KCTD18: variants seen among roughly 807,000 people sequenced by gnomAD.
KCTD18 encodes the protein BTB/POZ domain-containing protein KCTD18.
In KCTD18, 22 loss-of-function variants were observed where a neutral mutation model predicts 30.4. That is an observed-to-expected ratio of 0.72 (90% CI 0.52 to 1.03). The LOEUF (loss-of-function observed/expected upper bound fraction) is 1.03. KCTD18 is among the 50% of genes least tolerant of loss of function. The pLI, the probability that KCTD18 is intolerant of heterozygous loss-of-function variation, is 0.00. For missense variants in KCTD18, 529 were observed against 547.6 expected (o/e 0.97, Z 0.34); for synonymous variants, 186 against 209.0 (o/e 0.89, Z 0.95).
chr2:200,499,162 G>A lies in KCTD18; in HGVS notation c.373-78C>T, dbSNP rs551564203. Reference sequence around the variant, plus strand: ...AATGAATATGCTCCATTACTTTCATGTAAAAGCTGAAATTCTAGTTGATCA... The same window carrying A: ...AATGAATATGCTCCATTACTTTCATATAAAAGCTGAAATTCTAGTTGATCA... On this transcript the variant is annotated intron_variant, in intron 3 of 6. Coordinates refer to ENST00000359878, the MANE Select transcript of KCTD18 (RefSeq NM_152387.4). The A allele has an allele frequency of 1.9e-3, 1,910 of 996,066 alleles. 3 individuals are homozygous for A. The highest frequency in any genetic ancestry group is 2.5e-3 in the Non-Finnish European group (1,729 of 689,878). 61.7% of individuals were successfully genotyped at this position (996,066 alleles called of 1,614,324 possible).
intron 6 of KCTD18, among the ~76,000 whole-genome samples, chr2:200,491,063 C>T (rs182365503): frequency 6.6e-6 from 1 of 152,138 alleles, no homozygotes; most frequent in African/African-American, 2.4e-5. Flanking sequence ...GCATGTCCCC[C>T]CCGAAGCTCA....
Position 200,504,901 on chromosome 2 carries a change from A to G in KCTD18, c.219T>C (p.His73=). 1.2e-6 allele frequency: 2 copies of G among 1,614,196 alleles called. No homozygotes were observed. The highest frequency in any genetic ancestry group is 1.7e-6 in the Non-Finnish European group (2 of 1,180,032). Residue 73 remains histidine (H), a synonymous_variant, in exon 3 of 7, where the codon CAT becomes CAC. Coordinates refer to ENST00000359878, the MANE Select transcript of KCTD18 (RefSeq NM_152387.4). ...CATCTGTGGGAATCTGAACTTCTCC[A>G]TGAAGGTAATCCAAAAGGTATTTAA... ...RLFKYLLDYL[H]GEVQIPTDEQ...
rs1332418724 is a variant in KCTD18 at position 200,507,105 on chromosome 2, G to A, written c.-75-14C>T. The A allele has an allele frequency of 1.0e-5, 10 of 965,576 alleles. 1 individual carries two copies. Among genetic ancestry groups the A allele is most frequent in the South Asian group, 3.7e-5 (2 of 53,900 alleles). The allele number at this position is 965,576 out of a possible 1,614,324, so 59.8% of individuals were successfully genotyped here. ...CTTGGTCTCCCTCTGTAAAACAAAG[G>A]ACAGTCATCCCCGCCATTTCCAACA... On this transcript the variant is annotated splice_polypyrimidine_tract_variant and intron_variant, in intron 1 of 6. Coordinates refer to ENST00000359878, the MANE Select transcript of KCTD18 (RefSeq NM_152387.4).
chr2:200,499,051 C>A lies in KCTD18; in HGVS notation c.406G>T (p.Val136Phe). ...LTDFCDSYGL[V>F]CNKPTVWVLH... ...ACCCAAACTGTTGGTTTATTGCAGA[C>A]TAAGCCATATGAATCACAGAAGTCT... The change falls in exon 4 of 7, where the codon GTC becomes TTC. Residue 136 changes from valine (V) to phenylalanine (F), a missense_variant. Transcript: ENST00000359878. 6.2e-7 allele frequency: 1 copy of A among 1,613,576 alleles called. No homozygotes were observed. Among genetic ancestry groups the A allele is most frequent in the Non-Finnish European group, 8.5e-7 (1 of 1,179,826 alleles).
At chr2:200,509,579 T>C (rs904951009) in intron 1 of KCTD18, 49 bp downstream of exon 1, 3 of 152,348 alleles carry the variant, frequency 2.0e-5, no homozygotes, top group Non-Finnish European at 2.9e-5. Flanking sequence ...ATGTGGAAAG[T>C]GTCCAGCCCT....
chr2:200,491,138 G>C (rs191932756), intron 6 of KCTD18, among the ~76,000 whole-genome samples: 19 of 152,280 alleles, frequency 1.2e-4, no homozygotes, highest in Admixed American at 1.1e-3. Flanking sequence ...CATGGGGGAG[G>C]ATCCCTCATG....
chr2:200,498,255 G>A (rs1466171110), intron 4 of KCTD18, among the ~76,000 whole-genome samples: 2 of 152,152 alleles, frequency 1.3e-5, no homozygotes, highest in Non-Finnish European at 2.9e-5. Context: ...AGAAACTGAT[G>A]ACATATTTAA....
intron 5 of KCTD18, among the ~76,000 whole-genome samples, chr2:200,495,030 ATTTG>A (rs1413212483): frequency 1.0e-5 from 1 of 98,360 alleles, no homozygotes; most frequent in Admixed American, 1.3e-4. Flanking sequence ...ATACACCACA[ATTTG>A]TTTAAAAACT....
chr2:200,492,000 G>C (rs539703463), intron 6 of KCTD18, among the ~76,000 whole-genome samples: 4 of 152,162 alleles, frequency 2.6e-5, no homozygotes, highest in Non-Finnish European at 5.9e-5. Flanking sequence ...GACCTTACAA[G>C]TGCTTCTCAG....
rs950772987 is a variant in KCTD18 at position 200,509,975 on chromosome 2, G to C, written c.-423C>G. ...TCCCGCGCCCGGCTCTTCCGCACCG[G>C]GGGGGTGGGGCGGGTCGGCAGCTTC... On this transcript the variant is annotated 5_prime_UTR_variant, in exon 1 of 7. Coordinates refer to ENST00000359878, the MANE Select transcript of KCTD18 (RefSeq NM_152387.4). 1.3e-5 allele frequency: 2 copies of C among 151,978 alleles called. No homozygotes were observed. Among genetic ancestry groups the C allele is most frequent in the Admixed American group, 6.6e-5 (1 of 15,266 alleles). 9.4% of individuals were successfully genotyped at this position (151,978 alleles called of 1,614,324 possible).
At chr2:200,509,006 A>G (rs554239357) in intron 1 of KCTD18, among the ~76,000 whole-genome samples, 1 of 151,968 alleles carries the variant, frequency 6.6e-6, no homozygotes, top group Non-Finnish European at 1.5e-5. Flanking sequence ...TTTTTACCCC[A>G]CTTGTTTAAT....
chr2:200,507,628 A>C (rs527701814), intron 1 of KCTD18, among the ~76,000 whole-genome samples: 5 of 152,372 alleles, frequency 3.3e-5, no homozygotes, highest in African/African-American at 9.6e-5. Context: ...AGCAGAATCT[A>C]GCTCATGGTA....
intron 5 of KCTD18, chr2:200,497,491 G>T: frequency 2.8e-6 from 1 of 352,764 alleles, no homozygotes. Context: ...GGTACTAAAT[G>T]AACTCTTATT....
intron 5 of KCTD18, among the ~76,000 whole-genome samples, chr2:200,494,488 A>C (rs2087968308): frequency 6.6e-6 from 1 of 152,188 alleles, no homozygotes; most frequent in Non-Finnish European, 1.5e-5. Flanking sequence ...CTTCTTATTA[A>C]ACTTCTGGTA....
At chr2:200,493,334 A>C in intron 5 of KCTD18, 60 bp from the exon 6 acceptor site, 2 of 1,006,250 alleles carry the variant, frequency 2.0e-6, no homozygotes, top group South Asian at 2.6e-5. Context: ...GCTGAGCAAC[A>C]CTGTTTCGCC....
chr2:200,506,953 T>C lies in KCTD18; in HGVS notation c.64A>G (p.Ile22Val). ...DVLRLNVGGC[I>V]YTARRESLCR... Reference sequence around the variant, plus strand: ...AAGGACTCCCGCCGGGCTGTGTAAATACAGCCACCCACGTTCAGTCGGAGA... The same window carrying C: ...AAGGACTCCCGCCGGGCTGTGTAAACACAGCCACCCACGTTCAGTCGGAGA... Residue 22 changes from isoleucine (I) to valine (V), a missense_variant, in exon 2 of 7, where the codon ATT becomes GTT. Ile to Val is a conservative substitution (Grantham distance 29). Coordinates refer to ENST00000359878, the MANE Select transcript of KCTD18 (RefSeq NM_152387.4). 1 of 1,613,812 alleles carries C rather than the reference T, an allele frequency of 6.2e-7. No homozygotes were observed. Among genetic ancestry groups the C allele is most frequent in the Non-Finnish European group, 8.5e-7 (1 of 1,179,770 alleles).
At position 200,497,841 on chromosome 2, in the gene KCTD18, C is replaced by T. The variant is rs773889482; in HGVS notation, c.573G>A (p.Ala191=). ...IHSKGIFKRE[A]GNNVQYIWSY... is the part of the protein sequence containing the mutation. ...TCCAAATGTACTGAACATTATTTCCCGCCTCTCTAGAAATATTGCAAAGAG... is the reference window on the plus strand; with the variant it reads ...TCCAAATGTACTGAACATTATTTCCTGCCTCTCTAGAAATATTGCAAAGAG... The change falls in exon 5 of 7, where the codon GCG becomes GCA. Residue 191 remains alanine, a synonymous_variant. Coordinates refer to ENST00000359878, the MANE Select transcript of KCTD18 (RefSeq NM_152387.4). 6.2e-6 allele frequency: 10 copies of T among 1,606,366 alleles called. No homozygotes were observed. The highest frequency in any genetic ancestry group is 1.3e-5 in the African/African-American group (1 of 74,842).
intron 1 of KCTD18, among the ~76,000 whole-genome samples, chr2:200,509,003 C>T (rs1053582998): frequency 6.6e-6 from 1 of 152,142 alleles, no homozygotes; most frequent in African/African-American, 2.4e-5. Flanking sequence ...CACTTTTTAC[C>T]CCACTTGTTT....
chr2:200,509,431 C>G (rs1288610806), intron 1 of KCTD18, among the ~76,000 whole-genome samples, 197 bp downstream of exon 1: 8 of 152,096 alleles, frequency 5.3e-5, no homozygotes. Context: ...ACCCCGATCC[C>G]GAGGATTTAA....
Sources: allele counts gnomAD v4.1 joint callset (sites outside exome capture counted in the v4.1 genomes callset), GRCh38; gene constraint gnomAD v4.1.1; transcripts MANE v1.5; gene names NCBI Gene and HGNC (gene_info 2026-07-23, HGNC 2026-07-21).